The following C8orf34 variants were observed in gnomAD, a reference collection of about 807,000 sequenced individuals.
C8orf34 encodes the protein uncharacterized protein C8orf34.
In C8orf34, 65 loss-of-function variants were observed where a neutral mutation model predicts 68.3. That is an observed-to-expected ratio of 0.95 (90% CI 0.78 to 1.17). The LOEUF (loss-of-function observed/expected upper bound fraction) is 1.17, where lower values mean the gene tolerates loss of function less well. Ranked by LOEUF, C8orf34 falls within the 50% of genes most tolerant of loss-of-function variation. The probability of loss-of-function intolerance (pLI) is 0.00; values close to 1 mark genes in which losing one functional copy is unlikely to be tolerated. For synonymous variants in C8orf34, 244 were observed against 241.2 expected, an observed-to-expected ratio of 1.01 and a Z score of -0.11; for missense variants, 664 against 655.4, an observed-to-expected ratio of 1.01 and a Z score of -0.14.
intron 4 of C8orf34, among the ~76,000 whole-genome samples, chr8:68,484,715 T>C (rs1229478159): frequency 6.6e-6 from 1 of 152,206 alleles, no homozygotes; most frequent in Non-Finnish European, 1.5e-5. Context: ...ATGGTTCCCA[T>C]TAGAGCTTCA....
chr8:68,736,178 A>G (rs919843673), intron 10 of C8orf34, among the ~76,000 whole-genome samples: 1 of 152,180 alleles, frequency 6.6e-6, no homozygotes, highest in Non-Finnish European at 1.5e-5. Flanking sequence ...ATGATGTGCA[A>G]ATGTCAAATG....
chr8:68,635,045 C>G (rs1450570517), intron 7 of C8orf34, among the ~76,000 whole-genome samples: 1 of 152,124 alleles, frequency 6.6e-6, no homozygotes, highest in Non-Finnish European at 1.5e-5. Flanking sequence ...AAAAGAGGTG[C>G]TATCCAGATG....
intron 12 of C8orf34, among the ~76,000 whole-genome samples, chr8:68,807,863 GA>G (rs1824532266): frequency 6.6e-6 from 1 of 152,218 alleles, no homozygotes; most frequent in South Asian, 2.1e-4. Context: ...TTTATTCCTT[GA>G]GAGGGCTGGT....
chr8:68,410,661 A>T (rs1047420127), intron 1 of C8orf34, among the ~76,000 whole-genome samples: 2 of 152,126 alleles, frequency 1.3e-5, no homozygotes, highest in African/African-American at 4.8e-5. Context: ...ACTATAGTTC[A>T]GTCATAGGCA....
chr8:68,800,333 C>T (rs1824295131), intron 12 of C8orf34, among the ~76,000 whole-genome samples: 1 of 152,218 alleles, frequency 6.6e-6, no homozygotes, highest in East Asian at 1.9e-4. Flanking sequence ...CCCTGAGACA[C>T]ATTTTTTGTA....
intron 8 of C8orf34, among the ~76,000 whole-genome samples, chr8:68,659,822 A>G (rs918029406): frequency 6.6e-6 from 1 of 152,152 alleles, no homozygotes; most frequent in Non-Finnish European, 1.5e-5. Flanking sequence ...CCAATGTTAC[A>G]ATCATCAAAG....
intron 7 of C8orf34, among the ~76,000 whole-genome samples, chr8:68,603,185 C>A (rs1817749039): frequency 6.6e-6 from 1 of 152,016 alleles, no homozygotes; most frequent in Non-Finnish European, 1.5e-5. Flanking sequence ...GGGAGGAAGG[C>A]AGCTACTCCC....
At chr8:68,342,647 T>C (rs1048586048) in intron 1 of C8orf34, among the ~76,000 whole-genome samples, 8 of 152,174 alleles carry the variant, frequency 5.3e-5, no homozygotes, top group African/African-American at 1.7e-4. Flanking sequence ...CCCACTCGAT[T>C]TGGGTGAGGT....
At chr8:68,579,562 C>G (rs1817001346) in intron 7 of C8orf34, among the ~76,000 whole-genome samples, 1 of 152,052 alleles carries the variant, frequency 6.6e-6, no homozygotes, top group African/African-American at 2.4e-5. Context: ...TAGAGAAAAC[C>G]TGCAAAGTAA....
At chr8:68,719,768 A>G (rs945238670) in intron 9 of C8orf34, among the ~76,000 whole-genome samples, 1 of 151,966 alleles carries the variant, frequency 6.6e-6, no homozygotes, top group Non-Finnish European at 1.5e-5. Flanking sequence ...TGTCCTATAT[A>G]TGAAAATAAT....
chr8:68,795,931 A>G (rs1824166433), intron 12 of C8orf34, among the ~76,000 whole-genome samples: 1 of 152,202 alleles, frequency 6.6e-6, no homozygotes, highest in African/African-American at 2.4e-5. Context: ...GTTCTCACTG[A>G]GTGAGCTTTA....
intron 8 of C8orf34, among the ~76,000 whole-genome samples, chr8:68,672,236 ATCC>A (rs1156790977): frequency 6.6e-6 from 1 of 152,188 alleles, no homozygotes; most frequent in African/African-American, 2.4e-5. Context: ...TCCACTGATC[ATCC>A]TCCTCATAGG....
chr8:68,794,114 C>G (rs1469571300), intron 12 of C8orf34, among the ~76,000 whole-genome samples: 1 of 151,882 alleles, frequency 6.6e-6, no homozygotes, highest in African/African-American at 2.4e-5. Context: ...ATTATTGGAA[C>G]CAGAAGTGTT....
At chr8:68,736,134 C>T (rs1354911146) in intron 10 of C8orf34, among the ~76,000 whole-genome samples, 3 of 152,124 alleles carry the variant, frequency 2.0e-5, no homozygotes, top group Non-Finnish European at 4.4e-5. Flanking sequence ...ATAACATCCT[C>T]ATTTTATCTG....
chr8:68,734,111 C>T (rs1465180581), intron 10 of C8orf34, among the ~76,000 whole-genome samples: 4 of 151,840 alleles, frequency 2.6e-5, no homozygotes, highest in Non-Finnish European at 5.9e-5. Flanking sequence ...ATCACCTAAT[C>T]GAAGAAGAAA....
intron 11 of C8orf34, among the ~76,000 whole-genome samples, chr8:68,781,542 T>G (rs1159500627): frequency 2.6e-5 from 4 of 152,228 alleles, no homozygotes; most frequent in Non-Finnish European, 5.9e-5. Flanking sequence ...AATGTATATC[T>G]GAATAAGTTG....
At chr8:68,346,342 G>T (rs1405271281) in intron 1 of C8orf34, among the ~76,000 whole-genome samples, 2 of 148,694 alleles carry the variant, frequency 1.3e-5, no homozygotes, top group Non-Finnish European at 3.0e-5. Flanking sequence ...AGCTACAGAA[G>T]TGTCTCATAT....
At chr8:68,464,439 G>T (rs1487576313) in intron 3 of C8orf34, among the ~76,000 whole-genome samples, 1 of 151,560 alleles carries the variant, frequency 6.6e-6, no homozygotes, top group African/African-American at 2.4e-5. Context: ...CACAGAATTG[G>T]AAAAAACTAC....
intron 3 of C8orf34, among the ~76,000 whole-genome samples, chr8:68,467,207 A>G (rs992851043): frequency 1.3e-5 from 2 of 151,990 alleles, no homozygotes; most frequent in Non-Finnish European, 2.9e-5. Flanking sequence ...CAGTTATTTC[A>G]AATGTTGATT....
Sources: gnomAD v4.1 joint callset for allele counts (sites outside exome capture counted in the v4.1 genomes callset) on GRCh38, gnomAD v4.1.1 for gene constraint, MANE v1.5 for transcripts, NCBI Gene and HGNC (gene_info 2026-07-23, HGNC 2026-07-21) for gene names.